CLYBL: variants seen among roughly 807,000 people sequenced by gnomAD.
The protein encoded by CLYBL is citramalyl-CoA lyase.
In CLYBL, 31 loss-of-function variants were observed where a neutral mutation model predicts 38.9. That is an observed-to-expected ratio of 0.80 (90% CI 0.60 to 1.08). CLYBL has a LOEUF of 1.08. Among genes scored for constraint, CLYBL ranks in the 50% least tolerant of loss-of-function variants. The probability of loss-of-function intolerance (pLI) is 0.00; values close to 1 mark genes in which losing one functional copy is unlikely to be tolerated. For synonymous variants in CLYBL, 171 were observed against 158.6 expected (o/e 1.08, Z -0.59); for missense variants, 434 against 411.6 (o/e 1.05, Z -0.47).
At chr13:99,786,313 T>C (rs2138865763) in intron 2 of CLYBL, among the ~76,000 whole-genome samples, 1 of 151,936 alleles carries the variant, frequency 6.6e-6, no homozygotes, top group Non-Finnish European at 1.5e-5. Context: ...CCCATTAACT[T>C]GTCATTTACA....
chr13:99,650,267 A>G (rs9517813), intron 1 of CLYBL, among the ~76,000 whole-genome samples: 3,823 of 151,896 alleles, frequency 0.025, 81 homozygotes, highest in Middle Eastern at 0.12. Context: ...CGTCTCAAAA[A>G]AAAAATCAGA....
chr13:99,697,322 C>T (rs997423080), intron 1 of CLYBL, among the ~76,000 whole-genome samples: 1 of 152,224 alleles, frequency 6.6e-6, no homozygotes, highest in Non-Finnish European at 1.5e-5. Flanking sequence ...TACTCACTCT[C>T]GCTTGCGTCT....
At chr13:99,880,512 G>C (rs74113538) in intron 7 of CLYBL, among the ~76,000 whole-genome samples, 3,492 of 152,284 alleles carry the variant, frequency 0.023, 126 homozygotes, top group African/African-American at 0.078. Flanking sequence ...TGGATTCAAA[G>C]TCAGGTGTAA....
At chr13:99,716,782 CTTTTCTTTTTTTTTTT>C (rs2048322293) in intron 1 of CLYBL, among the ~76,000 whole-genome samples, 1 of 128,344 alleles carries the variant, frequency 7.8e-6, no homozygotes, top group Non-Finnish European at 1.7e-5. Flanking sequence ...AATTTCTTTT[CTTTTCTTTTTTTTTTT>C]TTTTTTTTTT....
At position 99,685,476 on chromosome 13, in the gene CLYBL, A is replaced by G. The variant is rs1014017388; in HGVS notation, c.62+78719A>G. On this transcript the variant is annotated intron_variant, in intron 1 of 8. Coordinates refer to ENST00000339105, the MANE Select transcript of CLYBL (RefSeq NM_206808.5). Reference sequence around the variant, plus strand: ...CTTAAAATCGAACTTAAAAAAATGAACTTGACTGACAAAGTTTCACTATAA... The same window carrying G: ...CTTAAAATCGAACTTAAAAAAATGAGCTTGACTGACAAAGTTTCACTATAA... Among the ~76,000 whole-genome samples, 12 of 152,210 alleles carry G rather than the reference A, an allele frequency of 7.9e-5. 1 individual carries two copies. Among genetic ancestry groups the G allele is most frequent in the Admixed American group, 7.2e-4 (11 of 15,282 alleles).
chr13:99,633,405 C>T (rs547959456), intron 1 of CLYBL, among the ~76,000 whole-genome samples: 76 of 151,086 alleles, frequency 5.0e-4, no homozygotes, highest in African/African-American at 1.8e-3. Flanking sequence ...CATGGTGGCA[C>T]GCATCTGTAA....
At chr13:99,639,524 C>T (rs940545974) in intron 1 of CLYBL, among the ~76,000 whole-genome samples, 1 of 152,150 alleles carries the variant, frequency 6.6e-6, no homozygotes, top group Non-Finnish European at 1.5e-5. Context: ...TTATATGTAA[C>T]AGAAGACAAA....
chr13:99,717,683 C>T (rs2048339197), intron 1 of CLYBL, among the ~76,000 whole-genome samples: 1 of 151,978 alleles, frequency 6.6e-6, no homozygotes, highest in Admixed American at 6.6e-5. Context: ...TGGTCTCAGA[C>T]TCCTGGGCTC....
intron 1 of CLYBL, among the ~76,000 whole-genome samples, chr13:99,686,172 C>A (rs2047815177): frequency 6.6e-6 from 1 of 152,078 alleles, no homozygotes; most frequent in Non-Finnish European, 1.5e-5. Flanking sequence ...ACACTCTGAG[C>A]TAAGAAAAGG....
intron 1 of CLYBL, among the ~76,000 whole-genome samples, chr13:99,681,527 G>A (rs1594117000): frequency 6.6e-6 from 1 of 152,176 alleles, no homozygotes; most frequent in East Asian, 1.9e-4. Flanking sequence ...GAATGTTAGT[G>A]CTAACAGTTG....
chr13:99,833,030 A>ATATATAT (rs1555314878), intron 2 of CLYBL, among the ~76,000 whole-genome samples: 2 of 35,870 alleles, frequency 5.6e-5, no homozygotes, highest in African/African-American at 2.8e-4. Flanking sequence ...ATATATATAT[A>ATATATAT]TTTTTTTTTT....
At chr13:99,854,856 C>A (rs1365817576) in intron 2 of CLYBL, among the ~76,000 whole-genome samples, 1 of 152,016 alleles carries the variant, frequency 6.6e-6, no homozygotes, top group Admixed American at 6.6e-5. Flanking sequence ...GGTTCCTGGC[C>A]CAGACAGAGT....
At chr13:99,852,284 C>A (rs571728960) in intron 2 of CLYBL, among the ~76,000 whole-genome samples, 1 of 152,110 alleles carries the variant, frequency 6.6e-6, no homozygotes, top group Non-Finnish European at 1.5e-5. Context: ...TGTCATCCAG[C>A]CTAGAATGCA....
chr13:99,659,473 G>A (rs1371943082), intron 1 of CLYBL, among the ~76,000 whole-genome samples: 1 of 152,062 alleles, frequency 6.6e-6, no homozygotes, highest in African/African-American at 2.4e-5. Flanking sequence ...TACTTGCTGG[G>A]GAAGTGCCTT....
rs34063235 is a variant in CLYBL at position 99,880,068 on chromosome 13, A to ATATATATATTT, written c.927+9007_927+9008insATATATATTTT. Among the ~76,000 whole-genome samples, 111 of 101,172 alleles carry ATATATATATTT rather than the reference A, an allele frequency of 1.1e-3. 1 individual carries two copies. Among genetic ancestry groups the ATATATATATTT allele is most frequent in the African/African-American group, 3.7e-3 (92 of 24,658 alleles). 66.4% of individuals were successfully genotyped at this position (101,172 alleles called of 152,430 possible). A position where few individuals can be genotyped will look rare whatever the true frequency, so the allele number is the denominator to read the frequency against. On this transcript the variant is annotated intron_variant, in intron 7 of 8. Transcript: ENST00000339105. The stretch of plus-strand genomic sequence containing the variant: ...TGTGTATGTATATATATATATATAT[A>ATATATATATTT]TTTTTTTTTTTTTTTTTGAGACAGA...
chr13:99,778,811 G>T (rs9517881), intron 2 of CLYBL, among the ~76,000 whole-genome samples: 29,349 of 152,162 alleles, frequency 0.19, 2,944 homozygotes, highest in East Asian at 0.26. Flanking sequence ...CACTGGGTGA[G>T]GCCAAGAAAG....
chr13:99,674,243 G>A lies in CLYBL; in HGVS notation c.62+67486G>A, dbSNP rs534789443. On this transcript the variant is annotated intron_variant, in intron 1 of 8. Transcript: ENST00000339105. ...CTTGGCTCACCGCAACCTCCGCCTC[G>A]CAGGTTCAAGCGATTCTCCTGCCTT... 3.5e-3 allele frequency among the ~76,000 whole-genome samples: 469 copies of A among 134,944 alleles called. 1 individual carries two copies. The highest frequency in any genetic ancestry group is 5.9e-3 in the Non-Finnish European group (388 of 65,354). The allele number at this position is 134,944 out of a possible 152,430, so 88.5% of individuals were successfully genotyped here. A position where few individuals can be genotyped will look rare whatever the true frequency, so the allele number is the denominator to read the frequency against.
intron 2 of CLYBL, among the ~76,000 whole-genome samples, chr13:99,847,032 G>C (rs553785284): frequency 9.1e-4 from 138 of 152,160 alleles, no homozygotes; most frequent in Admixed American, 1.4e-3. Flanking sequence ...AATTTGGATC[G>C]GCTTCCAGTA....
At chr13:99,906,427 T>C (rs1449000390) in intron 9 of CLYBL, among the ~76,000 whole-genome samples, 1 of 11,816 alleles carries the variant, frequency 8.5e-5, no homozygotes, top group Non-Finnish European at 2.6e-4. Context: ...CAGAGCTTTT[T>C]TGAGTTTTCT....
Sources: gnomAD v4.1 joint callset for allele counts (sites outside exome capture counted in the v4.1 genomes callset) on GRCh38, gnomAD v4.1.1 for gene constraint, MANE v1.5 for transcripts, NCBI Gene and HGNC (gene_info 2026-07-23, HGNC 2026-07-21) for gene names.